Variants in CNTNAP2 observed in about 807,000 individuals in gnomAD.
CNTNAP2 encodes the protein contactin associated protein 2.
In CNTNAP2, 98 loss-of-function variants were observed where a neutral mutation model predicts 155.2. That is an observed-to-expected ratio of 0.63 (90% CI 0.54 to 0.75). The LOEUF (loss-of-function observed/expected upper bound fraction) is 0.75, where lower values mean the gene tolerates loss of function less well. CNTNAP2 is among the 30% of genes least tolerant of loss of function. The pLI is 0.00. For missense variants in CNTNAP2, 1,727 were observed against 1,688.1 expected, an observed-to-expected ratio of 1.02 and a Z score of -0.40; for synonymous variants, 651 against 631.2, an observed-to-expected ratio of 1.03 and a Z score of -0.47.
intron 3 of CNTNAP2, among the ~76,000 whole-genome samples, chr7:146,939,082 C>T (rs1356867703): frequency 6.6e-6 from 1 of 151,752 alleles, no homozygotes; most frequent in Non-Finnish European, 1.5e-5. Context: ...CACTGCCAAC[C>T]CAGGAAAAAA....
chr7:146,671,814 G>T (rs1173565982), intron 1 of CNTNAP2, among the ~76,000 whole-genome samples: 1 of 150,204 alleles, frequency 6.7e-6, no homozygotes, highest in Non-Finnish European at 1.5e-5. Context: ...TTTTTATTTT[G>T]TTTTTATTTT....
chr7:147,993,060 A>G (rs1261400400), intron 15 of CNTNAP2, among the ~76,000 whole-genome samples: 1 of 152,196 alleles, frequency 6.6e-6, no homozygotes, highest in Non-Finnish European at 1.5e-5. Flanking sequence ...TGGTATTCTC[A>G]TTGACATAGC....
In CNTNAP2 at chr7:148,413,448, T is replaced by A. The variant is rs1380483931; in HGVS notation, c.3797-1969T>A. ...TATATATATATATATATATATATAT[T>A]GCTCCATAGTTTTCTTGTAACATTT... On this transcript the variant is annotated intron_variant, in intron 23 of 23. Coordinates refer to ENST00000361727, the MANE Select transcript of CNTNAP2 (RefSeq NM_014141.6). Among the ~76,000 whole-genome samples the A allele has an allele frequency of 2.1e-4, 21 of 101,460 alleles. 1 individual carries two copies. The highest frequency in any genetic ancestry group is 7.8e-4 in the African/African-American group (18 of 23,098). The allele number at this position is 101,460 out of a possible 152,430, so 66.6% of individuals were successfully genotyped here.
chr7:146,145,245 G>A (rs750657419), intron 1 of CNTNAP2, among the ~76,000 whole-genome samples: 2 of 152,186 alleles, frequency 1.3e-5, no homozygotes, highest in African/African-American at 2.4e-5. Context: ...GGCCGAAAGC[G>A]TGACCAGCTG....
intron 12 of CNTNAP2, among the ~76,000 whole-genome samples, chr7:147,609,336 C>T (rs1424739244): frequency 6.6e-6 from 1 of 152,096 alleles, no homozygotes; most frequent in Non-Finnish European, 1.5e-5. Flanking sequence ...TTGAGAGCAT[C>T]CTGGCTAACA....
intron 14 of CNTNAP2, among the ~76,000 whole-genome samples, chr7:147,962,090 T>C (rs974773877): frequency 4.6e-5 from 7 of 152,256 alleles, no homozygotes; most frequent in Non-Finnish European, 5.9e-5. Context: ...AATTATGTGC[T>C]CCTTGAAGAT....
chr7:147,675,759 AT>A (rs1440008611), intron 13 of CNTNAP2, among the ~76,000 whole-genome samples: 3 of 152,046 alleles, frequency 2.0e-5, no homozygotes, highest in Non-Finnish European at 2.9e-5. Flanking sequence ...GCGTTTGGGC[AT>A]GTATTTTAGA....
chr7:147,506,948 C>A (rs1249616713), intron 11 of CNTNAP2, among the ~76,000 whole-genome samples: 2 of 152,194 alleles, frequency 1.3e-5, no homozygotes, highest in African/African-American at 4.8e-5. Flanking sequence ...CCTCCCTGAT[C>A]CTCACTCCCC....
intron 1 of CNTNAP2, among the ~76,000 whole-genome samples, chr7:146,434,682 A>G (rs765986911): frequency 4.6e-5 from 7 of 152,210 alleles, no homozygotes; most frequent in Non-Finnish European, 1.0e-4. Flanking sequence ...TAACGGCACA[A>G]TTATGTAGTT....
chr7:147,981,318 C>G (rs891477248), intron 15 of CNTNAP2, among the ~76,000 whole-genome samples: 1 of 152,232 alleles, frequency 6.6e-6, no homozygotes, highest in African/African-American at 2.4e-5. Context: ...TATCCCACCA[C>G]TAGCCTCAGC....
chr7:147,493,769 GA>G (rs575365796), intron 11 of CNTNAP2, among the ~76,000 whole-genome samples: 16 of 151,912 alleles, frequency 1.1e-4, no homozygotes, highest in South Asian at 4.2e-4. Flanking sequence ...ACACATAGGG[GA>G]AAAAAATGAT....
chr7:147,895,870 T>C (rs927089694), intron 13 of CNTNAP2, among the ~76,000 whole-genome samples: 1 of 152,230 alleles, frequency 6.6e-6, no homozygotes, highest in Non-Finnish European at 1.5e-5. Flanking sequence ...TTTAACCAAA[T>C]TAGCCAATGC....
intron 8 of CNTNAP2, among the ~76,000 whole-genome samples, chr7:147,148,505 A>G (rs1233910105): frequency 9.9e-5 from 15 of 152,206 alleles, no homozygotes; most frequent in Admixed American, 6.5e-5. Flanking sequence ...TGACTTGTAA[A>G]TGTGTCCAGA....
chr7:147,546,005 C>T lies in CNTNAP2; in HGVS notation c.1778-16133C>T, dbSNP rs148809184. ...CATGTAAGATGTGACTTTCACCTTC[C>T]GCCATGATTGTGAAGCCTCCCCAGC... is the stretch of plus-strand genomic sequence containing the variant. On this transcript the variant is annotated intron_variant, in intron 11 of 23. Transcript: ENST00000361727. 2.7e-3 allele frequency among the ~76,000 whole-genome samples: 404 copies of T among 152,248 alleles called. 8 individuals are homozygous for T. In the East Asian group the frequency reaches 0.044, roughly 17 times the overall value.
intron 13 of CNTNAP2, among the ~76,000 whole-genome samples, chr7:147,656,479 T>G (rs1197922349): frequency 1.3e-5 from 2 of 152,184 alleles, no homozygotes; most frequent in Non-Finnish European, 2.9e-5. Context: ...TGAACAGGGC[T>G]AATTTCAATA....
chr7:146,801,972 T>C (rs1423804307), intron 2 of CNTNAP2, among the ~76,000 whole-genome samples: 1 of 152,194 alleles, frequency 6.6e-6, no homozygotes, highest in East Asian at 1.9e-4. Flanking sequence ...GTTATTTACA[T>C]CTATAGAAAC....
intron 4 of CNTNAP2, among the ~76,000 whole-genome samples, chr7:147,105,744 A>G (rs1375264080): frequency 6.6e-6 from 1 of 152,024 alleles, no homozygotes; most frequent in Non-Finnish European, 1.5e-5. Flanking sequence ...CAACTTTTAA[A>G]TTTTGTTTTA....
intron 8 of CNTNAP2, among the ~76,000 whole-genome samples, chr7:147,227,662 C>T (rs1803579764): frequency 6.6e-6 from 1 of 152,096 alleles, no homozygotes; most frequent in Non-Finnish European, 1.5e-5. Context: ...TCAAAGTTGT[C>T]ATAAATTGAG....
At chr7:147,014,611 C>T (rs1389356639) in intron 3 of CNTNAP2, among the ~76,000 whole-genome samples, 2 of 151,916 alleles carry the variant, frequency 1.3e-5, no homozygotes, top group Admixed American at 6.6e-5. Flanking sequence ...TGTTCAAATC[C>T]GAAAGCCTGC....
Sources: gnomAD v4.1 joint callset for allele counts (sites outside exome capture counted in the v4.1 genomes callset) on GRCh38, gnomAD v4.1.1 for gene constraint, MANE v1.5 for transcripts, NCBI Gene and HGNC (gene_info 2026-07-23, HGNC 2026-07-21) for gene names.